Variants in TRAP1 observed in about 807,000 individuals in gnomAD.
TRAP1 encodes heat shock protein 75 kDa, mitochondrial.
Under a neutral mutation model 89.1 loss-of-function variants are expected in TRAP1, and 102 were observed. That is an observed-to-expected ratio of 1.15 (90% confidence interval 0.98 to 1.35). The LOEUF is 1.35. Among genes scored for constraint, TRAP1 ranks in the 40% most tolerant of loss-of-function variants. The probability of loss-of-function intolerance (pLI) is 0.00; values close to 1 mark genes in which losing one functional copy is unlikely to be tolerated. For missense variants in TRAP1, 1,256 were observed against 945.3 expected, an observed-to-expected ratio of 1.33 and a Z score of -4.31; for synonymous variants, 508 against 388.0, an observed-to-expected ratio of 1.31 and a Z score of -3.64.
intron 4 of TRAP1, among the ~76,000 whole-genome samples, chr16:3,683,558 G>T (rs982669911): frequency 2.8e-4 from 43 of 151,600 alleles, no homozygotes; most frequent in African/African-American, 1.0e-3. Context: ...GCTAATTTTT[G>T]TATTTTTATT....
chr16:3,677,498 C>G lies in TRAP1; in HGVS notation c.704G>C (p.Gly235Ala), dbSNP rs1361266525. The G allele has an allele frequency of 1.1e-5, 17 of 1,614,086 alleles. No individual in the cohort carries two copies. Among genetic ancestry groups the G allele is most frequent in the African/African-American group, 1.3e-5 (1 of 74,954 alleles). ...CTGTCAGGCGACATTCGTCACTCAC[C>G]CATCTGAAAGCCACTGGTAACCCAG... ...GSLGYQWLSD[G>A]SGVFEIAEAS... The change falls in exon 6 of 18, where the codon GGT (glycine) becomes GCT (alanine). Residue 235 changes from glycine to alanine, a missense_variant and splice_region_variant. Gly to Ala is a moderately conservative substitution (Grantham distance 60). Coordinates refer to ENST00000246957, the MANE Select transcript of TRAP1 (RefSeq NM_016292.3).
intron 1 of TRAP1, among the ~76,000 whole-genome samples, chr16:3,702,792 T>A (rs1312052480): frequency 6.6e-6 from 1 of 151,526 alleles, no homozygotes; most frequent in East Asian, 1.9e-4. Flanking sequence ...CCTGTAATCC[T>A]GGCACTTTGG....
At chr16:3,663,159 G>A (rs1701682771) in intron 14 of TRAP1, 192 bp from the exon 15 acceptor site, 6 of 659,486 alleles carry the variant, frequency 9.1e-6, no homozygotes, top group Non-Finnish European at 1.5e-5. Flanking sequence ...ATACAACTTG[G>A]TTAGGGCTTT....
At chr16:3,679,042 G>C (rs970298560) in intron 5 of TRAP1, among the ~76,000 whole-genome samples, 1 of 152,158 alleles carries the variant, frequency 6.6e-6, no homozygotes, top group Non-Finnish European at 1.5e-5. Flanking sequence ...GTGGGTCTGG[G>C]CATAGTGACG....
In TRAP1 at chr16:3,662,940, G is replaced by A. The variant is rs112776374; in HGVS notation, c.1736C>T (p.Thr579Met). The A allele has an allele frequency of 1.4e-4, 220 of 1,612,400 alleles. No individual in the cohort carries two copies. Among genetic ancestry groups the A allele is most frequent in the African/African-American group, 1.1e-3 (80 of 75,044 alleles). ...TCTCATCCAGGCCATGAGCTCCTCCGTCTCCTTCTCTGATAGGCACTCGGC... is the reference window on the plus strand; with the variant it reads ...TCTCATCCAGGCCATGAGCTCCTCCATCTCCTTCTCTGATAGGCACTCGGC... ...PAAECLSEKE[T>M]EELMAWMRNV... is the part of the protein sequence containing the mutation. Residue 579 changes from threonine to methionine, a missense_variant, in exon 15 of 18, where the codon ACG becomes ATG. By Grantham distance (81) the Thr-to-Met change is moderately conservative. Coordinates refer to ENST00000246957, the MANE Select transcript of TRAP1 (RefSeq NM_016292.3).
At chr16:3,675,542 T>C (rs1042984229) in intron 7 of TRAP1, 145 bp from the exon 8 acceptor site, 1 of 713,670 alleles carries the variant, frequency 1.4e-6, no homozygotes, top group Non-Finnish European at 2.4e-6. Flanking sequence ...CAGGGCACAG[T>C]GGGGACACCT....
At position 3,686,008 on chromosome 16, in the gene TRAP1, G is replaced by A. The variant is rs1250643574; in HGVS notation, c.459C>T (p.Thr153=). 1 of 1,613,908 alleles carries A rather than the reference G, an allele frequency of 6.2e-7. No homozygotes were observed. Among genetic ancestry groups the A allele is most frequent in the Non-Finnish European group, 8.5e-7 (1 of 1,179,920 alleles). The stretch of plus-strand genomic sequence containing the variant: ...CTGAGGGAGGTACCTGGATGGTGAT[G>A]GTGCCTTTCTCGGCATTGGTCTGCA... The part of the protein sequence containing the change: ...IHLQTNAEKG[T]ITIQDTGIGM... The change falls in exon 4 of 18, where the codon ACC becomes ACT. Residue 153 remains threonine, a synonymous_variant. Transcript: ENST00000246957.
rs558730672 is a variant in TRAP1 at position 3,659,026 on chromosome 16, A to G, written c.1941-161T>C. On this transcript the variant is annotated intron_variant, in intron 16 of 17. Coordinates refer to ENST00000246957, the MANE Select transcript of TRAP1 (RefSeq NM_016292.3). ...GATCATTTATAGATAATATCATTATATACCCAGAAAACCCAAGAGAATCAG... is the reference window on the plus strand; with the variant it reads ...GATCATTTATAGATAATATCATTATGTACCCAGAAAACCCAAGAGAATCAG... The G allele has an allele frequency of 9.9e-6, 7 of 704,386 alleles. No homozygotes were observed. In the East Asian group the frequency reaches 2.0e-4, roughly 20 times the overall value. The allele number at this position is 704,386 out of a possible 1,614,324, so 43.6% of individuals were successfully genotyped here. A position where few individuals can be genotyped will look rare whatever the true frequency, so the allele number is the denominator to read the frequency against.
At chr16:3,664,003 C>T in intron 13 of TRAP1, 1 of 387,244 alleles carries the variant, frequency 2.6e-6, no homozygotes, top group Non-Finnish European at 4.6e-6. Context: ...GCGGAAGTTG[C>T]AGTGAGCCGA....
At chr16:3,670,382 CAAAAAAAAAAAAAAA>C (rs760902038) in intron 11 of TRAP1, among the ~76,000 whole-genome samples, 3 of 22,844 alleles carry the variant, frequency 1.3e-4, no homozygotes, top group East Asian at 1.6e-3. Context: ...GACTCCGTCT[CAAAAAAAAAAAAAAA>C]AAAAAAAAAA....
chr16:3,713,076 C>G (rs1168805860), intron 1 of TRAP1, among the ~76,000 whole-genome samples: 1 of 152,170 alleles, frequency 6.6e-6, no homozygotes, highest in East Asian at 1.9e-4. Flanking sequence ...ATGGACGCTA[C>G]ACCTCTAGCG....
At chr16:3,662,801 C>T (rs775577140) in intron 15 of TRAP1, 81 bp downstream of exon 15, 1 of 1,380,492 alleles carries the variant, frequency 7.2e-7, no homozygotes, top group Non-Finnish European at 1.0e-6. Flanking sequence ...ACCCAACGGG[C>T]CAGGTACTGG....
chr16:3,662,181 A>T, intron 15 of TRAP1, 49 bp from the exon 16 acceptor site: 1 of 1,576,326 alleles, frequency 6.3e-7, no homozygotes. Flanking sequence ...CCAATGTGAG[A>T]GGGCTGGCAG....
chr16:3,691,298 C>T (rs1238639685), intron 1 of TRAP1, among the ~76,000 whole-genome samples: 2 of 152,188 alleles, frequency 1.3e-5, no homozygotes, highest in African/African-American at 2.4e-5. Flanking sequence ...CTCACTGCAG[C>T]CCCAACCTCC....
chr16:3,700,972 C>G lies in TRAP1; in HGVS notation c.89-9987G>C, dbSNP rs138125938. Among the ~76,000 whole-genome samples, 495 of 152,292 alleles carry G rather than the reference C, an allele frequency of 3.3e-3. 3 individuals are homozygous for G. The highest frequency in any genetic ancestry group is 8.0e-3 in the Admixed American group (122 of 15,294). On this transcript the variant is annotated intron_variant, in intron 1 of 17. Transcript: ENST00000246957. ...AAATCCAGCCACATCGATATTTACTCTTACATTAACAGACTGAACTCTAAT... is the reference window on the plus strand; with the variant it reads ...AAATCCAGCCACATCGATATTTACTGTTACATTAACAGACTGAACTCTAAT...
intron 1 of TRAP1, among the ~76,000 whole-genome samples, chr16:3,695,055 CAT>C (rs1343058758): frequency 3.3e-5 from 5 of 152,176 alleles, no homozygotes; most frequent in African/African-American, 9.7e-5. Flanking sequence ...TCCCTCTACA[CAT>C]GTCTGTCTGT....
At chr16:3,705,853 A>G (rs930104810) in intron 1 of TRAP1, among the ~76,000 whole-genome samples, 44 of 151,170 alleles carry the variant, frequency 2.9e-4, no homozygotes, top group Admixed American at 2.5e-3. Context: ...CTAATTTTAT[A>G]TATATATATA....
chr16:3,698,421 C>T (rs2051319572), intron 1 of TRAP1, among the ~76,000 whole-genome samples: 1 of 151,750 alleles, frequency 6.6e-6, no homozygotes, highest in African/African-American at 2.4e-5. Flanking sequence ...TGCCATTCTC[C>T]TGCCTCAGCC....
intron 11 of TRAP1, 148 bp downstream of exon 11, chr16:3,671,574 G>T (rs567322787): frequency 2.7e-6 from 2 of 750,640 alleles, no homozygotes; most frequent in African/African-American, 1.7e-5. Flanking sequence ...CACCTGGAAG[G>T]CTCCTGAGGG....
Sources: gnomAD v4.1 joint callset for allele counts (sites outside exome capture counted in the v4.1 genomes callset) on GRCh38, gnomAD v4.1.1 for gene constraint, MANE v1.5 for transcripts, NCBI Gene and HGNC (gene_info 2026-07-23, HGNC 2026-07-21) for gene names.